The following GPC6 variants were observed in gnomAD, a reference collection of about 807,000 sequenced individuals.
GPC6 encodes glypican 6, also known as glypican-6.
In GPC6, 14 loss-of-function variants were observed where a neutral mutation model predicts 55.2. That is an observed-to-expected ratio of 0.25 (90% CI 0.17 to 0.40). The LOEUF (loss-of-function observed/expected upper bound fraction) is 0.40, where lower values mean the gene tolerates loss of function less well. Ranked by LOEUF, GPC6 falls within the 10% of genes least tolerant of loss-of-function variation. The pLI is 1.00. For synonymous variants in GPC6, 278 were observed against 259.6 expected, an observed-to-expected ratio of 1.07 and a Z score of -0.68; for missense variants, 641 against 708.5, an observed-to-expected ratio of 0.90 and a Z score of 1.08.
intron 6 of GPC6, among the ~76,000 whole-genome samples, chr13:94,368,747 G>C (rs146995574): frequency 9.9e-5 from 15 of 152,270 alleles, no homozygotes; most frequent in South Asian, 2.1e-4. Context: ...GCTGTGAACA[G>C]GTACATTCAC....
intron 2 of GPC6, among the ~76,000 whole-genome samples, chr13:93,680,497 T>G (rs1433761629): frequency 1.3e-5 from 2 of 152,032 alleles, no homozygotes; most frequent in African/African-American, 4.8e-5. Context: ...GTATATAGGT[T>G]TAGAGGAATT....
intron 1 of GPC6, among the ~76,000 whole-genome samples, chr13:93,385,129 G>T (rs1464423036): frequency 6.6e-6 from 1 of 152,228 alleles, no homozygotes; most frequent in Non-Finnish European, 1.5e-5. Context: ...ACAGTCCTAG[G>T]CTGGGAAACC....
chr13:94,325,486 GTCC>G (rs1213209132), intron 6 of GPC6, among the ~76,000 whole-genome samples: 1 of 152,116 alleles, frequency 6.6e-6, no homozygotes, highest in Non-Finnish European at 1.5e-5. Flanking sequence ...GGGATTCAAG[GTCC>G]TCATTTTATA....
At chr13:93,244,367 T>C (rs1371022060) in intron 1 of GPC6, among the ~76,000 whole-genome samples, 1 of 152,194 alleles carries the variant, frequency 6.6e-6, no homozygotes, top group Non-Finnish European at 1.5e-5. Flanking sequence ...ACACCCCTTC[T>C]AGTTTGGCCC....
chr13:93,983,428 CGT>C (rs199572890), intron 3 of GPC6, among the ~76,000 whole-genome samples: 4 of 151,778 alleles, frequency 2.6e-5, no homozygotes, highest in South Asian at 2.1e-4. Context: ...TTAAATTCAT[CGT>C]GTTTTTTTTT....
chr13:93,256,008 C>G (rs760571319), intron 1 of GPC6, among the ~76,000 whole-genome samples: 9 of 151,502 alleles, frequency 5.9e-5, no homozygotes, highest in Non-Finnish European at 4.4e-5. Context: ...GTGGTGCACG[C>G]CTGTAGTCCC....
chr13:94,127,427 G>A (rs945300731), intron 4 of GPC6, among the ~76,000 whole-genome samples: 3 of 152,062 alleles, frequency 2.0e-5, no homozygotes, highest in East Asian at 3.9e-4. Flanking sequence ...CATGTGATGT[G>A]CCAGCTCCGC....
Position 93,685,422 on chromosome 13 carries a change from C to T in GPC6, c.319+140001C>T, listed in dbSNP as rs563007011. ...AAGGTAGAGACATTTCAATTTTGCT[C>T]ATACTATCTCCACATGGAGTGCTAG... On this transcript the variant is annotated intron_variant, in intron 2 of 8. Transcript: ENST00000377047. 4.2e-4 allele frequency among the ~76,000 whole-genome samples: 64 copies of T among 152,302 alleles called. 1 individual carries two copies. Among genetic ancestry groups the T allele is most frequent in the African/African-American group, 1.4e-3 (60 of 41,570 alleles).
At chr13:94,078,516 T>G (rs1053479179) in intron 4 of GPC6, among the ~76,000 whole-genome samples, 6 of 151,376 alleles carry the variant, frequency 4.0e-5, no homozygotes, top group African/African-American at 1.5e-4. Context: ...CAGACTAAGA[T>G]AAAAAGAGAG....
chr13:93,697,409 C>T (rs551555963), intron 2 of GPC6, among the ~76,000 whole-genome samples: 26 of 152,284 alleles, frequency 1.7e-4, no homozygotes, highest in Admixed American at 1.4e-3. Context: ...TTTGTTACTA[C>T]TCTGCTTTAT....
At chr13:93,665,331 T>C (rs1332454041) in intron 2 of GPC6, among the ~76,000 whole-genome samples, 1 of 152,196 alleles carries the variant, frequency 6.6e-6, no homozygotes, top group African/African-American at 2.4e-5. Context: ...AATGTAAAAA[T>C]CAATTTGCAG....
intron 1 of GPC6, among the ~76,000 whole-genome samples, chr13:93,383,391 GT>G (rs993485386): frequency 2.6e-5 from 4 of 152,042 alleles, no homozygotes; most frequent in African/African-American, 9.7e-5. Flanking sequence ...TTTTAAAAGA[GT>G]TTTTTGCAGA....
chr13:93,501,995 A>C (rs747720369), intron 1 of GPC6, among the ~76,000 whole-genome samples: 8 of 152,158 alleles, frequency 5.3e-5, no homozygotes, highest in Non-Finnish European at 1.2e-4. Context: ...CTTGAAGATC[A>C]GAGATTTTAT....
chr13:93,494,892 C>T lies in GPC6; in HGVS notation c.161-50371C>T, dbSNP rs781762815. Among the ~76,000 whole-genome samples the T allele has an allele frequency of 1.4e-4, 21 of 148,506 alleles. No individual in the cohort carries two copies. The South Asian group carries it at 2.4e-3, about 17-fold the overall frequency. On this transcript the variant is annotated intron_variant, in intron 1 of 8. Coordinates refer to ENST00000377047, the MANE Select transcript of GPC6 (RefSeq NM_005708.5). ...CTTGTAGGGTTTCTGCCGAGAGATC[C>T]GCTGTTGGTCTGATGGGCTTCCCTT... is the stretch of plus-strand genomic sequence containing the variant.
chr13:94,198,210 G>A (rs1029804382), intron 4 of GPC6, among the ~76,000 whole-genome samples: 2 of 151,976 alleles, frequency 1.3e-5, no homozygotes, highest in African/African-American at 4.8e-5. Context: ...CCTATAAGAT[G>A]GTGGTCACAG....
intron 3 of GPC6, among the ~76,000 whole-genome samples, chr13:93,959,559 A>G (rs1879672794): frequency 6.6e-6 from 1 of 152,182 alleles, no homozygotes; most frequent in Non-Finnish European, 1.5e-5. Flanking sequence ...TAAACTACTG[A>G]GCTAATTTAT....
intron 4 of GPC6, among the ~76,000 whole-genome samples, chr13:94,059,330 A>T (rs1200746203): frequency 2.0e-5 from 3 of 151,890 alleles, no homozygotes; most frequent in African/African-American, 7.3e-5. Context: ...GAGTGCCTAC[A>T]TGGAAGGAAA....
chr13:93,331,494 ATTGC>A (rs1381395097), intron 1 of GPC6, among the ~76,000 whole-genome samples: 1 of 152,192 alleles, frequency 6.6e-6, no homozygotes, highest in Non-Finnish European at 1.5e-5. Flanking sequence ...AGAAATATCA[ATTGC>A]TTTTTATCAC....
chr13:93,631,016 A>C (rs1205635723), intron 2 of GPC6, among the ~76,000 whole-genome samples: 2 of 152,200 alleles, frequency 1.3e-5, no homozygotes, highest in East Asian at 3.8e-4. Flanking sequence ...GCACACATAC[A>C]GTAGTCCCAT....
Sources: gnomAD v4.1 joint callset for allele counts (sites outside exome capture counted in the v4.1 genomes callset) on GRCh38, gnomAD v4.1.1 for gene constraint, MANE v1.5 for transcripts, NCBI Gene and HGNC (gene_info 2026-07-23, HGNC 2026-07-21) for gene names.